Variants in NCOA2 observed in about 807,000 individuals in gnomAD.
The protein encoded by NCOA2 is class E basic helix-loop-helix protein 75.
In NCOA2, 21 loss-of-function variants were observed where a neutral mutation model predicts 145.1. The ratio of observed to expected loss-of-function variants is 0.14; its 90% CI spans 0.10 to 0.21. The LOEUF (loss-of-function observed/expected upper bound fraction) is 0.21. Ranked by LOEUF, NCOA2 falls within the 10% of genes least tolerant of loss-of-function variation. The pLI, the probability that NCOA2 is intolerant of heterozygous loss-of-function variation, is 1.00. For synonymous variants in NCOA2, 619 were observed against 637.5 expected (o/e 0.97, Z 0.44); for missense variants, 1,472 against 1,837.6 (o/e 0.80, Z 3.64).
chr8:70,243,184 A>G (rs1220491316), intron 2 of NCOA2, among the ~76,000 whole-genome samples: 1 of 152,142 alleles, frequency 6.6e-6, no homozygotes, highest in Non-Finnish European at 1.5e-5. Context: ...TCAGGAATAA[A>G]AACTACTCTA....
intron 2 of NCOA2, among the ~76,000 whole-genome samples, chr8:70,295,921 G>C (rs1262057154): frequency 6.6e-6 from 1 of 151,976 alleles, no homozygotes; most frequent in Non-Finnish European, 1.5e-5. Flanking sequence ...CTCCAGACTG[G>C]GTGAAAGAGC....
intron 1 of NCOA2, among the ~76,000 whole-genome samples, chr8:70,396,296 ACAAT>A (rs1233070486): frequency 6.6e-6 from 1 of 152,190 alleles, no homozygotes; most frequent in African/African-American, 2.4e-5. Context: ...CCTATCCCCC[ACAAT>A]CAAGTTTTCT....
intron 1 of NCOA2, among the ~76,000 whole-genome samples, chr8:70,372,903 T>C (rs1811346330): frequency 1.3e-5 from 2 of 152,362 alleles, no homozygotes; most frequent in South Asian, 4.1e-4. Flanking sequence ...TTTAGCATAA[T>C]ATTTTTGAGA....
chr8:70,124,748 G>C lies in NCOA2; in HGVS notation c.4034C>G (p.Pro1345Arg). The C allele has an allele frequency of 6.2e-7, 1 of 1,613,688 alleles. No individual in the cohort carries two copies. The highest frequency in any genetic ancestry group is 8.5e-7 in the Non-Finnish European group (1 of 1,179,800). ...SPMMQQSQAN[P>R]AYQAPSDING... ...TATGTCGGAGGGGGCCTGATAGGCT[G>C]GGTTGGCCTGAGACTGTTGCATCAT... is the stretch of plus-strand genomic sequence containing the variant. The change falls in exon 20 of 23, where the codon CCA (proline) becomes CGA (arginine). Residue 1345 changes from proline (P) to arginine (R), a missense_variant. Pro to Arg is a moderately radical substitution (Grantham distance 103). Around this residue, in one of 4 missense-constraint regions of NCOA2, gnomAD observed 232 missense variants for 290.6 expected, o/e 0.80. Transcript: ENST00000452400.
intron 5 of NCOA2, among the ~76,000 whole-genome samples, chr8:70,173,454 CTTTCA>C (rs1814472898): frequency 2.0e-5 from 3 of 152,162 alleles, no homozygotes; most frequent in African/African-American, 7.2e-5. Context: ...TATCCAGTTT[CTTTCA>C]TTTAATTCTA....
At chr8:70,403,897 G>A, upstream of NCOA2, 1 of 376,054 alleles carries the variant, frequency 2.7e-6, no homozygotes, top group Non-Finnish European at 4.7e-6. Context: ...CGCACTTGCG[G>A]AGAGACAGAC....
At chr8:70,280,684 G>A (rs1055500045) in intron 2 of NCOA2, among the ~76,000 whole-genome samples, 1 of 152,066 alleles carries the variant, frequency 6.6e-6, no homozygotes, top group Non-Finnish European at 1.5e-5. Flanking sequence ...TGTCCTCAGT[G>A]ACTGGTATAG....
Position 70,111,217 on chromosome 8 carries a change from A to G in NCOA2, c.*2415T>C, listed in dbSNP as rs571817924. 4.4e-6 allele frequency: 1 copy of G among 225,076 alleles called. No homozygotes were observed. Among genetic ancestry groups the G allele is most frequent in the East Asian group, 6.5e-5 (1 of 15,486 alleles). The allele number at this position is 225,076 out of a possible 1,614,324, so 13.9% of individuals were successfully genotyped here. ...TGCGGATTTGTCTGAATTAGGATTG[A>G]CATTAAAATACAGCGGGCAGATGGA... On this transcript the variant is annotated 3_prime_UTR_variant, in exon 23 of 23. Coordinates refer to ENST00000452400, the MANE Select transcript of NCOA2 (RefSeq NM_006540.4).
intron 1 of NCOA2, among the ~76,000 whole-genome samples, chr8:70,393,368 C>A (rs1813373700): frequency 6.6e-6 from 1 of 152,196 alleles, no homozygotes; most frequent in Non-Finnish European, 1.5e-5. Flanking sequence ...TATACATGAG[C>A]TCCTGGTGGG....
At chr8:70,120,645 C>T (rs1431237878) in intron 22 of NCOA2, among the ~76,000 whole-genome samples, 1 of 152,064 alleles carries the variant, frequency 6.6e-6, no homozygotes, top group Admixed American at 6.6e-5. Context: ...TGCCTGAACC[C>T]GCGAGGTGGA....
At chr8:70,325,982 G>A (rs747803798) in intron 1 of NCOA2, among the ~76,000 whole-genome samples, 1 of 152,088 alleles carries the variant, frequency 6.6e-6, no homozygotes, top group Non-Finnish European at 1.5e-5. Flanking sequence ...CTCAAATGAG[G>A]CCACTAGGAA....
chr8:70,402,326 G>A (rs1814353804), intron 1 of NCOA2: 1 of 152,346 alleles, frequency 6.6e-6, no homozygotes, highest in African/African-American at 2.4e-5. Context: ...TCGGTCTCTG[G>A]TTTGGGAAAG....
intron 3 of NCOA2, 64 bp from the exon 4 acceptor site, chr8:70,214,139 G>C (rs148763283): frequency 1.4e-6 from 2 of 1,458,890 alleles, no homozygotes; most frequent in Non-Finnish European, 1.9e-6. Flanking sequence ...AAAAATGAAC[G>C]TGTTAAACAA....
At chr8:70,387,568 C>A (rs1812782453) in intron 1 of NCOA2, among the ~76,000 whole-genome samples, 1 of 152,292 alleles carries the variant, frequency 6.6e-6, no homozygotes, top group Non-Finnish European at 1.5e-5. Flanking sequence ...AACACGACTG[C>A]AATCTCTTAT....
chr8:70,352,229 T>C (rs1387994123), intron 1 of NCOA2, among the ~76,000 whole-genome samples: 1 of 152,188 alleles, frequency 6.6e-6, no homozygotes, highest in Non-Finnish European at 1.5e-5. Context: ...ATCCCTCTCT[T>C]AATCGTTAGG....
chr8:70,157,264 AT>A, intron 10 of NCOA2, 24 bp from the exon 11 acceptor site: 6 of 1,499,200 alleles, frequency 4.0e-6, no homozygotes, highest in Non-Finnish European at 5.3e-6. Flanking sequence ...AAAGAAAAAA[AT>A]GTAAGATAAA....
At chr8:70,324,759 T>C (rs1806404128) in intron 1 of NCOA2, among the ~76,000 whole-genome samples, 1 of 152,210 alleles carries the variant, frequency 6.6e-6, no homozygotes, top group African/African-American at 2.4e-5. Context: ...AGAGACAAGA[T>C]ATTAGGTACT....
intron 1 of NCOA2, among the ~76,000 whole-genome samples, chr8:70,351,199 T>G (rs1435224747): frequency 1.3e-5 from 2 of 152,198 alleles, no homozygotes; most frequent in African/African-American, 4.8e-5. Flanking sequence ...ACCTGAGTTT[T>G]AGAGAGGGCA....
chr8:70,417,575 A>ACAT, the NCOA2 span, among the ~76,000 whole-genome samples: 1 of 151,990 alleles, frequency 6.6e-6, no homozygotes, highest in South Asian at 2.1e-4. Flanking sequence ...AAACAAACAA[A>ACAT]CAAACAAACA....
Sources: gnomAD v4.1 joint callset for allele counts (sites outside exome capture counted in the v4.1 genomes callset) on GRCh38, gnomAD v4.1.1 for gene constraint, gnomAD v4.1.1 regional missense constraint, MANE v1.5 for transcripts, NCBI Gene and HGNC (gene_info 2026-07-23, HGNC 2026-07-21) for gene names.